Variants in DEF6 observed in about 807,000 individuals in gnomAD.
DEF6 encodes the protein differentially expressed in FDCP 6 homolog.
DEF6 carries 32 observed loss-of-function variants against 80.5 expected under a neutral mutation model. The ratio of observed to expected loss-of-function variants is 0.40; its 90% CI spans 0.30 to 0.53. The LOEUF is 0.53. Ranked by LOEUF, DEF6 falls within the 20% of genes least tolerant of loss-of-function variation. The probability of loss-of-function intolerance (pLI) is 0.57; values close to 1 mark genes in which losing one functional copy is unlikely to be tolerated. For missense variants in DEF6, 575 were observed against 818.7 expected, an observed-to-expected ratio of 0.70 and a Z score of 3.63; for synonymous variants, 300 against 337.9, an observed-to-expected ratio of 0.89 and a Z score of 1.23.
chr6:35,310,791 CT>C (rs1182027202), intron 3 of DEF6, 147 bp downstream of exon 3: 2 of 875,146 alleles, frequency 2.3e-6, no homozygotes, highest in Non-Finnish European at 3.5e-6. Flanking sequence ...CCTCACCCAG[CT>C]GTCTCCAGAT....
At position 35,303,065 on chromosome 6, in the gene DEF6, C is replaced by A. The variant is rs185329196; in HGVS notation, c.96+5113C>A. Among the ~76,000 whole-genome samples the A allele has an allele frequency of 8.9e-4, 135 of 152,312 alleles. 2 individuals carry two copies. In the Middle Eastern group the frequency reaches 0.01, roughly 12 times the overall value. ...AGTCACACCCTCTCTCCACCCCCAA[C>A]CCCTACCGCACCCAGGCACAGGAAG... On this transcript the variant is annotated intron_variant, in intron 1 of 10. Coordinates refer to ENST00000316637, the MANE Select transcript of DEF6 (RefSeq NM_022047.4).
Position 35,319,513 on chromosome 6 carries a change from C to T in DEF6, c.1216-11C>T. 1 of 1,605,152 alleles carries T rather than the reference C, an allele frequency of 6.2e-7. No individual in the cohort carries two copies. The highest frequency in any genetic ancestry group is 8.5e-7 in the Non-Finnish European group (1 of 1,174,958). Reference sequence around the variant, plus strand: ...ACCTGGCTCTTGGTCCACCACCTCCCCCCTCCACAGGCCCGGGCCTCCATG... The same window carrying T: ...ACCTGGCTCTTGGTCCACCACCTCCTCCCTCCACAGGCCCGGGCCTCCATG... On this transcript the variant is annotated splice_polypyrimidine_tract_variant and intron_variant, in intron 7 of 10. Coordinates refer to ENST00000316637, the MANE Select transcript of DEF6 (RefSeq NM_022047.4). The surrounding 1 kb of genome is among the most constrained non-coding windows in gnomAD (Gnocchi z 4.5).
chr6:35,311,162 TG>T (rs1328076274), intron 3 of DEF6, among the ~76,000 whole-genome samples: 1 of 152,110 alleles, frequency 6.6e-6, no homozygotes, highest in African/African-American at 2.4e-5. Flanking sequence ...GAGAAAAGGC[TG>T]GGAATCTGGT....
chr6:35,300,455 C>T (rs997653840), intron 1 of DEF6, among the ~76,000 whole-genome samples: 4 of 152,196 alleles, frequency 2.6e-5, no homozygotes, highest in Admixed American at 2.6e-4. Flanking sequence ...GGTAGACGGG[C>T]TCCCAGTGGC....
chr6:35,302,005 G>A (rs1196192611), intron 1 of DEF6, among the ~76,000 whole-genome samples: 1 of 151,992 alleles, frequency 6.6e-6, no homozygotes, highest in Non-Finnish European at 1.5e-5. Flanking sequence ...GGGATTACAG[G>A]CGTGAGCTAC....
intron 1 of DEF6, among the ~76,000 whole-genome samples, chr6:35,306,232 C>G (rs78565971): frequency 1.3e-5 from 2 of 148,414 alleles, no homozygotes; most frequent in Admixed American, 1.3e-4. Context: ...TAATGTTGGC[C>G]GGGCGCGGTG....
At chr6:35,304,144 A>AAC (rs1201152163) in intron 1 of DEF6, among the ~76,000 whole-genome samples, 19 of 151,982 alleles carry the variant, frequency 1.3e-4, no homozygotes, top group Admixed American at 4.6e-4. Flanking sequence ...AAAAAAAGAA[A>AAC]ACACACACAC....
chr6:35,300,531 G>A (rs1791300877), intron 1 of DEF6, among the ~76,000 whole-genome samples: 1 of 152,216 alleles, frequency 6.6e-6, no homozygotes, highest in South Asian at 2.1e-4. Context: ...TCTGAGAAAA[G>A]CCCAAGGAGT....
chr6:35,310,772 G>T lies in DEF6; in HGVS notation c.423+128G>T, dbSNP rs1791456933. 3 of 1,005,712 alleles carry T rather than the reference G, an allele frequency of 3.0e-6. No homozygotes were observed. In the Admixed American group the frequency reaches 6.5e-5, roughly 22 times the overall value. 62.3% of individuals were successfully genotyped at this position (1,005,712 alleles called of 1,614,324 possible). A position where few individuals can be genotyped will look rare whatever the true frequency, so the allele number is the denominator to read the frequency against. ...TCTTTCTTTACCATCTTCCCATGCT[G>T]GTATCTGTCCTCACCCAGCTGTCTC... On this transcript the variant is annotated intron_variant, in intron 3 of 10. Coordinates refer to ENST00000316637, the MANE Select transcript of DEF6 (RefSeq NM_022047.4).
intron 5 of DEF6, chr6:35,316,026 ATT>A (rs35189215): frequency 4.3e-4 from 66 of 153,168 alleles, no homozygotes; most frequent in South Asian, 1.9e-3. Flanking sequence ...CACCTGGCTA[ATT>A]TTTTTTTTTT....
rs1291867459 is a variant in DEF6, at chr6:35,318,798, T to C, written c.1215+327T>C. ...GAAGGAGCCGTTGAAGACCGTGTGA[T>C]TGGGGATTAGACTGGACCAAGTTTG... On this transcript the variant is annotated intron_variant, in intron 7 of 10. Coordinates refer to ENST00000316637, the MANE Select transcript of DEF6 (RefSeq NM_022047.4). This position sits in a 1 kb window ranked among gnomAD's most constrained non-coding sequence, Gnocchi z 5.1. Among the ~76,000 whole-genome samples, 2 of 152,144 alleles carry C rather than the reference T, an allele frequency of 1.3e-5. No individual in the cohort carries two copies. Among genetic ancestry groups the C allele is most frequent in the African/African-American group, 2.4e-5 (1 of 41,508 alleles).
At chr6:35,314,909 C>T (rs1791507380) in intron 5 of DEF6, among the ~76,000 whole-genome samples, 1 of 152,204 alleles carries the variant, frequency 6.6e-6, no homozygotes, top group Admixed American at 6.5e-5. Flanking sequence ...TCAGGTCTTA[C>T]ATTTAAATGT....
rs1203663626 is a variant in DEF6 at position 35,312,884 on chromosome 6, A to G, written c.807+112A>G. On this transcript the variant is annotated intron_variant, in intron 5 of 10. Coordinates refer to ENST00000316637, the MANE Select transcript of DEF6 (RefSeq NM_022047.4). The surrounding 1 kb of genome is among the most constrained non-coding windows in gnomAD (Gnocchi z 6.6). Reference sequence around the variant, plus strand: ...AAATGGAGAAAAGCCACAGTGACACAAATTCCTGCTTAGATTAGTGTGACC... The same window carrying G: ...AAATGGAGAAAAGCCACAGTGACACGAATTCCTGCTTAGATTAGTGTGACC... The G allele has an allele frequency of 7.8e-6, 10 of 1,286,242 alleles. No homozygotes were observed. Among genetic ancestry groups the G allele is most frequent in the Non-Finnish European group, 1.1e-5 (10 of 932,448 alleles). The allele number at this position is 1,286,242 out of a possible 1,614,324, so 79.7% of individuals were successfully genotyped here.
chr6:35,306,460 G>A (rs1182503088), intron 1 of DEF6, among the ~76,000 whole-genome samples: 3 of 151,290 alleles, frequency 2.0e-5, no homozygotes, highest in Non-Finnish European at 4.4e-5. Flanking sequence ...GCGGTGAGCC[G>A]AGATCACGCC....
chr6:35,299,371 A>T (rs563640655), intron 1 of DEF6, among the ~76,000 whole-genome samples: 8 of 152,040 alleles, frequency 5.3e-5, no homozygotes, highest in Non-Finnish European at 1.2e-4. Flanking sequence ...GCCAGACAAT[A>T]CCAGCCCCCG....
In DEF6 at chr6:35,320,960, C is replaced by T; in HGVS notation, c.1658C>T (p.Pro553Leu). The T allele has an allele frequency of 6.2e-7, 1 of 1,612,926 alleles. No individual in the cohort carries two copies. Among genetic ancestry groups the T allele is most frequent in the Non-Finnish European group, 8.5e-7 (1 of 1,179,400 alleles). Residue 553 changes from proline (P) to leucine (L), a missense_variant, in exon 10 of 11, where the codon CCA (proline) becomes CTA (leucine). By Grantham distance (98) the Pro-to-Leu change is moderately conservative. Coordinates refer to ENST00000316637, the MANE Select transcript of DEF6 (RefSeq NM_022047.4). Reference protein sequence around the residue: ...WNVQMNRLMHPIEPGDKRPVT... With the variant: ...WNVQMNRLMHLIEPGDKRPVT... ...GTCCAGATGAACCGGCTGATGCATC[C>T]AATTGAGCCTGGAGGTGAGAAGGAA...
At chr6:35,320,122 C>T (rs1791573122) in intron 9 of DEF6, 105 bp downstream of exon 9, 5 of 1,182,352 alleles carry the variant, frequency 4.2e-6, no homozygotes, top group Non-Finnish European at 5.9e-6. Context: ...CTAGCAGCTG[C>T]TGGCTGTGTG....
At position 35,308,369 on chromosome 6, in the gene DEF6, CG is replaced by C. The variant is rs746432337; in HGVS notation, c.97-1300del. On this transcript the variant is annotated intron_variant, in intron 1 of 10. Transcript: ENST00000316637. ...AACATATGCAGACCTCTGTCTCTAC[CG>C]AAAAAAAAAAAAAAAGTTTTGGCCG... Among the ~76,000 whole-genome samples, 446 of 127,604 alleles carry C rather than the reference CG, an allele frequency of 3.5e-3. 5 individuals are homozygous for C. The highest frequency in any genetic ancestry group is 0.017 in the Middle Eastern group (4 of 238). The allele number at this position is 127,604 out of a possible 152,430, so 83.7% of individuals were successfully genotyped here. A position where few individuals can be genotyped will look rare whatever the true frequency, so the allele number is the denominator to read the frequency against.
intron 3 of DEF6, among the ~76,000 whole-genome samples, chr6:35,310,976 G>A (rs1361628425): frequency 6.6e-6 from 1 of 152,204 alleles, no homozygotes; most frequent in South Asian, 2.1e-4. Context: ...TAGGAAGGGT[G>A]CTTTTTTTTC....
Sources: allele counts gnomAD v4.1 joint callset (sites outside exome capture counted in the v4.1 genomes callset), GRCh38; gene constraint gnomAD v4.1.1; non-coding constraint Gnocchi (gnomAD v3.1); transcripts MANE v1.5; gene names NCBI Gene and HGNC (gene_info 2026-07-23, HGNC 2026-07-21).